Variants in VXN observed in about 807,000 individuals in gnomAD.
VXN encodes vexin, also known as uncharacterized protein C8orf46.
A neutral mutation model predicts 23.1 loss-of-function variants in VXN; 7 were observed. The observed-to-expected ratio is 0.30, with a 90% CI of 0.17 to 0.57. The LOEUF is 0.57. VXN is among the 20% of genes least tolerant of loss of function. The pLI is 0.91. For missense variants in VXN, 238 were observed against 272.6 expected (o/e 0.87, Z 0.89); for synonymous variants, 120 against 105.8 (o/e 1.13, Z -0.83).
chr8:66,516,186 C>T lies in VXN; in HGVS notation c.*110C>T, dbSNP rs1235688486. ...CACCTCTGCTAGTAGCTGGTCCAAA[C>T]CCATTATCCTCCCTCACTCATTGAT... On this transcript the variant is annotated 3_prime_UTR_variant, in exon 6 of 6. Transcript: ENST00000305454. 6 of 941,950 alleles carry T rather than the reference C, an allele frequency of 6.4e-6. No homozygotes were observed. In the African/African-American group the frequency reaches 6.8e-5, roughly 11 times the overall value. 58.3% of individuals were successfully genotyped at this position (941,950 alleles called of 1,614,324 possible).
chr8:66,511,959 G>A (rs535065679), intron 4 of VXN, among the ~76,000 whole-genome samples: 1 of 152,030 alleles, frequency 6.6e-6, no homozygotes, highest in Admixed American at 6.5e-5. Context: ...CCAGCTACTC[G>A]GGAGGCTGAG....
intron 1 of VXN, among the ~76,000 whole-genome samples, chr8:66,496,066 T>C (rs1169412983): frequency 1.3e-5 from 2 of 152,224 alleles, no homozygotes; most frequent in African/African-American, 2.4e-5. Context: ...ATGTGACATT[T>C]TGTGTCCGGC....
intron 5 of VXN, among the ~76,000 whole-genome samples, chr8:66,515,325 G>C: frequency 6.6e-6 from 1 of 152,216 alleles, no homozygotes; most frequent in East Asian, 1.9e-4. Flanking sequence ...TCACCTAAGG[G>C]GAGCAGGGGT....
chr8:66,515,868 C>T (rs1168779860), intron 5 of VXN, 25 bp from the exon 6 acceptor site: 7 of 1,532,066 alleles, frequency 4.6e-6, no homozygotes, highest in Non-Finnish European at 5.3e-6. Context: ...ACCACCCTCC[C>T]CACCCACTCC....
chr8:66,504,803 C>A (rs1052496185), intron 2 of VXN, among the ~76,000 whole-genome samples: 1 of 152,188 alleles, frequency 6.6e-6, no homozygotes, highest in Non-Finnish European at 1.5e-5. Context: ...AGTGGGGACG[C>A]GGGTAGGAGA....
chr8:66,498,775 A>C (rs995276473), intron 2 of VXN: 4 of 453,278 alleles, frequency 8.8e-6, no homozygotes, highest in Admixed American at 2.4e-5. Flanking sequence ...AATAGTGCAA[A>C]ATTTAAAATC....
chr8:66,500,993 C>T (rs999291318), intron 2 of VXN, among the ~76,000 whole-genome samples: 1 of 151,690 alleles, frequency 6.6e-6, no homozygotes, highest in South Asian at 2.1e-4. Context: ...CCTGCCTCAG[C>T]CTCCAAGTAG....
intron 2 of VXN, among the ~76,000 whole-genome samples, chr8:66,501,715 C>T (rs921340217): frequency 5.3e-5 from 8 of 152,114 alleles, no homozygotes; most frequent in Admixed American, 4.6e-4. Flanking sequence ...TAAAACTCAG[C>T]CCCAGCCACA....
chr8:66,496,403 G>C, intron 1 of VXN, 34 bp from the exon 2 acceptor site: 1 of 1,609,666 alleles, frequency 6.2e-7, no homozygotes, highest in Non-Finnish European at 8.5e-7. Context: ...CGCTGATGTT[G>C]TCTAAAACCA....
intron 2 of VXN, among the ~76,000 whole-genome samples, chr8:66,504,896 C>T (rs1345617175): frequency 6.6e-6 from 1 of 152,246 alleles, no homozygotes; most frequent in Non-Finnish European, 1.5e-5. Context: ...GAGCCCTCTC[C>T]CTAGGTCTTC....
intron 3 of VXN, among the ~76,000 whole-genome samples, chr8:66,508,816 A>G (rs1807789141): frequency 6.6e-6 from 1 of 152,160 alleles, no homozygotes; most frequent in Admixed American, 6.5e-5. Flanking sequence ...CCTGGGCAAC[A>G]TGGCGAAACC....
At chr8:66,499,813 T>C (rs1415509118) in intron 2 of VXN, among the ~76,000 whole-genome samples, 1 of 152,136 alleles carries the variant, frequency 6.6e-6, no homozygotes, top group Non-Finnish European at 1.5e-5. Context: ...TCTTAATAAA[T>C]CTTGAATATC....
In VXN at chr8:66,516,101, T is replaced by C. The variant is rs747645866; in HGVS notation, c.*25T>C. 38 of 1,572,614 alleles carry C rather than the reference T, an allele frequency of 2.4e-5. No homozygotes were observed. The Admixed American group carries it at 6.8e-4, about 28-fold the overall frequency. On this transcript the variant is annotated 3_prime_UTR_variant, in exon 6 of 6. Coordinates refer to ENST00000305454, the MANE Select transcript of VXN (RefSeq NM_152765.4). ...AAGGTGACCCTCTTCAAGTGCCCTG[T>C]GTTGGCCAAGGTTCCCCGGACAAGA...
At position 66,516,059 on chromosome 8, in the gene VXN, G is replaced by T; in HGVS notation, c.607G>T (p.Ala203Ser). The change falls in exon 6 of 6, where the codon GCC (alanine) becomes TCC (serine). Residue 203 changes from alanine to serine, a missense_variant. By Grantham distance (99) the Ala-to-Ser change is moderately conservative. Transcript: ENST00000305454. The stretch of plus-strand genomic sequence containing the variant: ...TGAATATGTGGGAGCCACCAACAGC[G>T]CCTTTGAGGCCGACTAAAGGTGACC... ...KSEYVGATNS[A>S]FEAD is the part of the protein sequence containing the mutation. 6.2e-7 allele frequency: 1 copy of T among 1,610,222 alleles called. No individual in the cohort carries two copies.
At chr8:66,499,196 T>C (rs1009885289) in intron 2 of VXN, among the ~76,000 whole-genome samples, 4 of 150,750 alleles carry the variant, frequency 2.7e-5, no homozygotes, top group South Asian at 2.1e-4. Flanking sequence ...CTGACACATA[T>C]AAGCATTCAA....
chr8:66,495,589 A>T (rs1331305538), intron 1 of VXN, among the ~76,000 whole-genome samples: 1 of 152,246 alleles, frequency 6.6e-6, no homozygotes, highest in Admixed American at 6.5e-5. Flanking sequence ...TGATCAGTCA[A>T]AGATAAATAT....
intron 2 of VXN, among the ~76,000 whole-genome samples, chr8:66,501,673 C>T (rs1298792620): frequency 2.0e-5 from 3 of 152,158 alleles, no homozygotes; most frequent in African/African-American, 7.2e-5. Flanking sequence ...CTAATTTCCC[C>T]TAACAGTTTA....
chr8:66,513,277 G>T (rs1022450377), intron 4 of VXN, among the ~76,000 whole-genome samples: 2 of 152,208 alleles, frequency 1.3e-5, no homozygotes, highest in South Asian at 2.1e-4. Flanking sequence ...TGGAGTCCCA[G>T]GACTAGCAGC....
rs61613088 is a variant in VXN, at chr8:66,506,232, A to AGTGTGTGTGTGTGTGTGT, written c.280+727_280+744dup. On this transcript the variant is annotated intron_variant, in intron 3 of 5. Coordinates refer to ENST00000305454, the MANE Select transcript of VXN (RefSeq NM_152765.4). ...CAGAGAGAGAGAGAGAGAGAGAGAC[A>AGTGTGTGTGTGTGTGTGT]GTGTGTGTGTGTGTGTGTGTGTGTG... Among the ~76,000 whole-genome samples the AGTGTGTGTGTGTGTGTGT allele has an allele frequency of 1.3e-3, 186 of 140,426 alleles. 2 individuals are homozygous for AGTGTGTGTGTGTGTGTGT. The highest frequency in any genetic ancestry group is 4.2e-3 in the African/African-American group (157 of 37,474). 92.1% of individuals were successfully genotyped at this position (140,426 alleles called of 152,430 possible).
Sources: allele counts gnomAD v4.1 joint callset (sites outside exome capture counted in the v4.1 genomes callset), GRCh38; gene constraint gnomAD v4.1.1; transcripts MANE v1.5; gene names NCBI Gene and HGNC (gene_info 2026-07-23, HGNC 2026-07-21).